Variants in AKIRIN2 observed in about 807,000 individuals in gnomAD.
AKIRIN2 encodes akirin 2.
AKIRIN2 carries 6 observed loss-of-function variants against 29.3 expected under a neutral mutation model. That is an observed-to-expected ratio of 0.20 (90% CI 0.11 to 0.40). AKIRIN2 has a LOEUF of 0.40. AKIRIN2 is among the 10% of genes least tolerant of loss of function. The pLI is 1.00. For synonymous variants in AKIRIN2, 128 were observed against 117.5 expected, an observed-to-expected ratio of 1.09 and a Z score of -0.58; for missense variants, 210 against 276.1, an observed-to-expected ratio of 0.76 and a Z score of 1.70.
intron 1 of AKIRIN2, among the ~76,000 whole-genome samples, chr6:87,693,676 G>A (rs1483138258): frequency 1.4e-5 from 2 of 147,232 alleles, no homozygotes; most frequent in African/African-American, 2.6e-5. Flanking sequence ...AGTGAGCTGA[G>A]ATTGCGCCAC....
intron 1 of AKIRIN2, among the ~76,000 whole-genome samples, chr6:87,699,961 G>A (rs1387706978): frequency 1.3e-5 from 2 of 151,912 alleles, no homozygotes; most frequent in African/African-American, 4.8e-5. Flanking sequence ...AATTTCCAAT[G>A]ATACCATTTC....
chr6:87,693,435 A>G (rs1332522638), intron 1 of AKIRIN2, among the ~76,000 whole-genome samples: 1 of 150,908 alleles, frequency 6.6e-6, no homozygotes, highest in Non-Finnish European at 1.5e-5. Flanking sequence ...TGGTGTTTTA[A>G]AAGTTAAGAA....
At chr6:87,682,158 G>C (rs1771130759) in intron 1 of AKIRIN2, among the ~76,000 whole-genome samples, 1 of 152,074 alleles carries the variant, frequency 6.6e-6, no homozygotes, top group Non-Finnish European at 1.5e-5. Flanking sequence ...CTGCCTTTAT[G>C]CCTTTTCCAA....
rs755233971 is a variant in AKIRIN2 at position 87,701,557 on chromosome 6, G to A, written c.128C>T (p.Ala43Val). The A allele has an allele frequency of 2.8e-6, 4 of 1,409,232 alleles. No homozygotes were observed. Among genetic ancestry groups the A allele is most frequent in the African/African-American group, 1.5e-5 (1 of 65,502 alleles). 87.3% of individuals were successfully genotyped at this position (1,409,232 alleles called of 1,614,324 possible). A position where few individuals can be genotyped will look rare whatever the true frequency, so the allele number is the denominator to read the frequency against. ...GAAGGAGGCGGCGGTGGCCGCGGCC[G>A]CCGACAACGGGGAGGCAGCGGCCGA... ...PTSAAASPLSAAAATAASFSA... is the reference protein window; with the variant it reads ...PTSAAASPLSVAAATAASFSA... The change falls in exon 1 of 5, where the codon GCG becomes GTG. Residue 43 changes from alanine (A) to valine (V), a missense_variant. Physicochemically the swap from Ala to Val is moderately conservative, Grantham distance 64. This residue lies in a region of AKIRIN2 where 199 missense variants were observed against 236.5 expected (regional missense o/e 0.84). Coordinates refer to ENST00000257787, the MANE Select transcript of AKIRIN2 (RefSeq NM_018064.4).
chr6:87,676,596 A>AACACACACACACACACACACACAC lies in AKIRIN2; in HGVS notation c.530-689_530-666dup, dbSNP rs112353955. Among the ~76,000 whole-genome samples the AACACACACACACACACACACACAC allele has an allele frequency of 3.1e-3, 436 of 142,088 alleles. 2 individuals are homozygous for AACACACACACACACACACACACAC. Among genetic ancestry groups the AACACACACACACACACACACACAC allele is most frequent in the East Asian group, 7.3e-3 (35 of 4,804 alleles). The allele number at this position is 142,088 out of a possible 152,430, so 93.2% of individuals were successfully genotyped here. ...ATGGTGAAACCCCGTCTCTACTAAA[A>AACACACACACACACACACACACAC]ACACACACACACACACACACACACA... On this transcript the variant is annotated intron_variant, in intron 3 of 4. Coordinates refer to ENST00000257787, the MANE Select transcript of AKIRIN2 (RefSeq NM_018064.4).
chr6:87,701,397 C>T, intron 1 of AKIRIN2, 53 bp downstream of exon 1: 2 of 1,521,570 alleles, frequency 1.3e-6, no homozygotes, highest in Non-Finnish European at 8.8e-7. Flanking sequence ...CACCCCAGGA[C>T]CCCTGTTCCC....
At position 87,701,711 on chromosome 6, in the gene AKIRIN2, T is replaced by C; in HGVS notation, c.-27A>G. The C allele has an allele frequency of 2.9e-6, 4 of 1,400,018 alleles. No homozygotes were observed. The highest frequency in any genetic ancestry group is 3.7e-6 in the Non-Finnish European group (4 of 1,069,188). 86.7% of individuals were successfully genotyped at this position (1,400,018 alleles called of 1,614,324 possible). ...GCCGGGGGCAGCTGAGGCGCCGGGC[T>C]CGGGTGGGGTCGGGGACGGGTGACG... On this transcript the variant is annotated 5_prime_UTR_variant, in exon 1 of 5. Transcript: ENST00000257787.
chr6:87,689,227 C>T (rs527473078), intron 1 of AKIRIN2, among the ~76,000 whole-genome samples: 1 of 152,128 alleles, frequency 6.6e-6, no homozygotes, highest in Non-Finnish European at 1.5e-5. Context: ...CCGGGCCAGG[C>T]GCGGTGGCTC....
chr6:87,687,450 A>AAAC (rs1554257467), intron 1 of AKIRIN2, among the ~76,000 whole-genome samples: 20 of 151,368 alleles, frequency 1.3e-4, no homozygotes, highest in African/African-American at 4.9e-4. Context: ...AAAAAAAAAA[A>AAAC]AAAAAACACA....
rs528548591 is a variant in AKIRIN2 at position 87,686,889 on chromosome 6, T to C, written c.236-5126A>G. 4.2e-4 allele frequency among the ~76,000 whole-genome samples: 64 copies of C among 151,226 alleles called. 1 individual carries two copies. Among genetic ancestry groups the C allele is most frequent in the South Asian group, 1.3e-3 (6 of 4,774 alleles). On this transcript the variant is annotated intron_variant, in intron 1 of 4. Coordinates refer to ENST00000257787, the MANE Select transcript of AKIRIN2 (RefSeq NM_018064.4). ...GACGAAACCCTGTCTCTACTAAAAA[T>C]ACAAAAATTAGCCAGGCATGGTGGT... is the stretch of plus-strand genomic sequence containing the variant.
intron 1 of AKIRIN2, among the ~76,000 whole-genome samples, chr6:87,689,155 C>G (rs113344752): frequency 6.6e-6 from 1 of 152,154 alleles, no homozygotes; most frequent in Non-Finnish European, 1.5e-5. Context: ...CACGATCAAG[C>G]TGAAGAACAA....
At chr6:87,691,839 A>T (rs1771282578) in intron 1 of AKIRIN2, among the ~76,000 whole-genome samples, 1 of 152,256 alleles carries the variant, frequency 6.6e-6, no homozygotes, top group African/African-American at 2.4e-5. Flanking sequence ...TCAGGAATTA[A>T]GAACTGAAGA....
At chr6:87,696,622 AC>A (rs2128302916) in intron 1 of AKIRIN2, among the ~76,000 whole-genome samples, 1 of 145,560 alleles carries the variant, frequency 6.9e-6, no homozygotes, top group African/African-American at 2.5e-5. Flanking sequence ...AATGGCGTGA[AC>A]CCGGGAGGCA....
chr6:87,678,049 G>T, intron 2 of AKIRIN2, 82 bp from the exon 3 acceptor site: 2 of 1,299,488 alleles, frequency 1.5e-6, no homozygotes, highest in Non-Finnish European at 2.1e-6. Context: ...GTTTTATTTG[G>T]ATCTCTTCAA....
At chr6:87,679,917 A>G (rs1771090397) in intron 2 of AKIRIN2, among the ~76,000 whole-genome samples, 1 of 152,220 alleles carries the variant, frequency 6.6e-6, no homozygotes, top group South Asian at 2.1e-4. Flanking sequence ...TACCACCAAT[A>G]TTACTTACTC....
intron 1 of AKIRIN2, among the ~76,000 whole-genome samples, chr6:87,694,722 G>A (rs986938677): frequency 3.3e-5 from 5 of 152,092 alleles, no homozygotes; most frequent in Non-Finnish European, 5.9e-5. Flanking sequence ...GGGAAAAAAA[G>A]CTACACCCCA....
chr6:87,677,710 T>C lies in AKIRIN2; in HGVS notation c.529+108A>G, dbSNP rs893916780. 11 of 1,316,640 alleles carry C rather than the reference T, an allele frequency of 8.4e-6. No homozygotes were observed. The East Asian group carries it at 2.6e-4, about 31-fold the overall frequency. The allele number at this position is 1,316,640 out of a possible 1,614,324, so 81.6% of individuals were successfully genotyped here. ...TTCCTGAACTGAAATTTTCTCATTC[T>C]CAGAGAATATACCGCACCAGTGTAT... On this transcript the variant is annotated intron_variant, in intron 3 of 4. Coordinates refer to ENST00000257787, the MANE Select transcript of AKIRIN2 (RefSeq NM_018064.4).
intron 1 of AKIRIN2, among the ~76,000 whole-genome samples, chr6:87,698,180 C>A (rs1294234280): frequency 1.3e-5 from 2 of 152,140 alleles, no homozygotes; most frequent in Non-Finnish European, 2.9e-5. Context: ...TCTGCTCCCC[C>A]TCCCCTTACT....
At chr6:87,682,960 A>G (rs1231693675) in intron 1 of AKIRIN2, among the ~76,000 whole-genome samples, 1 of 152,178 alleles carries the variant, frequency 6.6e-6, no homozygotes, top group Non-Finnish European at 1.5e-5. Flanking sequence ...AGATTTACAT[A>G]CAATAATTCT....
Sources: allele counts gnomAD v4.1 joint callset (sites outside exome capture counted in the v4.1 genomes callset), GRCh38; gene constraint gnomAD v4.1.1; regional missense constraint gnomAD v4.1.1; transcripts MANE v1.5; gene names NCBI Gene and HGNC (gene_info 2026-07-23, HGNC 2026-07-21).